The following FER variants were observed in gnomAD, a reference collection of about 807,000 sequenced individuals.
FER encodes the protein tyrosine-protein kinase Fer.
Under a neutral mutation model 111.0 loss-of-function variants are expected in FER, and 63 were observed. The ratio of observed to expected loss-of-function variants is 0.57; its 90% CI spans 0.46 to 0.70. The LOEUF (loss-of-function observed/expected upper bound fraction) is 0.70, where lower values mean the gene tolerates loss of function less well. Among genes scored for constraint, FER ranks in the 30% least tolerant of loss-of-function variants. The probability of loss-of-function intolerance (pLI) is 0.00; values close to 1 mark genes in which losing one functional copy is unlikely to be tolerated. For synonymous variants in FER, 327 were observed against 313.9 expected, an observed-to-expected ratio of 1.04 and a Z score of -0.44; for missense variants, 914 against 954.0, an observed-to-expected ratio of 0.96 and a Z score of 0.55.
chr5:108,872,580 G>A lies in FER; in HGVS notation c.923+368G>A, dbSNP rs189082269. On this transcript the variant is annotated intron_variant, in intron 8 of 19. Coordinates refer to ENST00000281092, the MANE Select transcript of FER (RefSeq NM_005246.4). ...TACTGTTAGAGATAAGAGACTTATT[G>A]ATGTCAGAGCACTTAGTACAAAAAA... 7.2e-4 allele frequency among the ~76,000 whole-genome samples: 109 copies of A among 152,126 alleles called. 1 individual carries two copies. Among genetic ancestry groups the A allele is most frequent in the Admixed American group, 5.2e-3 (79 of 15,272 alleles).
At position 108,871,424 on chromosome 5, in the gene FER, A is replaced by G. The variant is rs1309135828; in HGVS notation, c.725A>G (p.Asn242Ser). The change falls in exon 7 of 20, where the codon AAT becomes AGT. Residue 242 changes from asparagine (N) to serine (S), a missense_variant. Asn to Ser is a conservative substitution (Grantham distance 46). Transcript: ENST00000281092. ...AGTCTTGTCACAGAGGAAATAGTGA[A>G]TGTCCATAAAGAGATTCAAATGTCG... ...ITSLVTEEIV[N>S]VHKEIQMSVE... is the part of the protein sequence containing the mutation. 2 of 1,611,712 alleles carry G rather than the reference A, an allele frequency of 1.2e-6. No individual in the cohort carries two copies. The highest frequency in any genetic ancestry group is 1.7e-6 in the Non-Finnish European group (2 of 1,178,262).
At chr5:109,158,099 G>A (rs2126724131) in intron 17 of FER, among the ~76,000 whole-genome samples, 1 of 152,144 alleles carries the variant, frequency 6.6e-6, no homozygotes, top group Non-Finnish European at 1.5e-5. Flanking sequence ...TAAATAGGCT[G>A]GGCACGGTGG....
At chr5:108,784,833 T>G (rs1754497684) in intron 2 of FER, among the ~76,000 whole-genome samples, 1 of 152,166 alleles carries the variant, frequency 6.6e-6, no homozygotes, top group African/African-American at 2.4e-5. Flanking sequence ...TAGGAATGCC[T>G]TAAGTGGTTT....
rs186717471 is a variant in FER at position 109,112,002 on chromosome 5, C to A, written c.2048+11483C>A. Among the ~76,000 whole-genome samples, 11 of 152,224 alleles carry A rather than the reference C, an allele frequency of 7.2e-5. No homozygotes were observed. In the East Asian group the frequency reaches 1.9e-3, roughly 27 times the overall value. Reference sequence around the variant, plus strand: ...ATATTTTTATTATAGAACAAAAACACCTGCTTATTATGCTCTTAAATTAAC... The same window carrying A: ...ATATTTTTATTATAGAACAAAAACAACTGCTTATTATGCTCTTAAATTAAC... On this transcript the variant is annotated intron_variant, in intron 17 of 19. Transcript: ENST00000281092.
At chr5:108,962,621 A>T (rs969785480) in intron 13 of FER, among the ~76,000 whole-genome samples, 2 of 152,232 alleles carry the variant, frequency 1.3e-5, no homozygotes, top group Non-Finnish European at 2.9e-5. Context: ...CATTCAATAA[A>T]TATTTGTTAG....
intron 2 of FER, among the ~76,000 whole-genome samples, chr5:108,770,083 G>A (rs933095878): frequency 6.6e-6 from 1 of 152,058 alleles, no homozygotes; most frequent in Non-Finnish European, 1.5e-5. Context: ...CAAGTAGCTG[G>A]GATTACAGGC....
chr5:109,078,681 T>G (rs1776648521), intron 16 of FER, among the ~76,000 whole-genome samples: 1 of 152,188 alleles, frequency 6.6e-6, no homozygotes, highest in Admixed American at 6.6e-5. Context: ...TAGTAAATAT[T>G]GACCAAGTTA....
intron 2 of FER, chr5:108,785,103 C>T (rs185717815): frequency 1.1e-5 from 5 of 472,822 alleles, no homozygotes; most frequent in African/African-American, 2.0e-5. Context: ...ATCACTGTCT[C>T]CTGTAGCTGG....
chr5:108,971,595 G>A (rs1760671160), intron 13 of FER, among the ~76,000 whole-genome samples: 1 of 152,072 alleles, frequency 6.6e-6, no homozygotes, highest in Non-Finnish European at 1.5e-5. Flanking sequence ...TTTTGTACAA[G>A]TTTAGAAACA....
intron 17 of FER, among the ~76,000 whole-genome samples, chr5:109,150,340 C>A (rs947507236): frequency 6.6e-6 from 1 of 152,150 alleles, no homozygotes; most frequent in Non-Finnish European, 1.5e-5. Flanking sequence ...ACTTTCACTT[C>A]CTCTGGAGCA....
chr5:109,069,198 G>A (rs1775483347), intron 16 of FER, among the ~76,000 whole-genome samples: 1 of 152,076 alleles, frequency 6.6e-6, no homozygotes, highest in African/African-American at 2.4e-5. Flanking sequence ...GCTTTCAGTA[G>A]ACCAAACATT....
At chr5:109,069,151 GA>G (rs1445684641) in intron 16 of FER, among the ~76,000 whole-genome samples, 1 of 151,836 alleles carries the variant, frequency 6.6e-6, no homozygotes, top group East Asian at 1.9e-4. Flanking sequence ...AGATTCTAGG[GA>G]AAAATCATAC....
At chr5:108,984,502 T>C (rs116116334) in intron 13 of FER, among the ~76,000 whole-genome samples, 4,126 of 151,832 alleles carry the variant, frequency 0.027, 70 homozygotes, top group African/African-American at 0.053. Flanking sequence ...GAAAACTAAC[T>C]GGGAACTGAA....
At chr5:108,911,104 T>C (rs183195096) in intron 10 of FER, among the ~76,000 whole-genome samples, 343 of 152,284 alleles carry the variant, frequency 2.3e-3, no homozygotes, top group Non-Finnish European at 3.9e-3. Context: ...CATAACATTT[T>C]CTTTTCACCA....
chr5:109,041,113 G>A (rs1720538366), intron 14 of FER, among the ~76,000 whole-genome samples: 1 of 152,258 alleles, frequency 6.6e-6, no homozygotes, highest in South Asian at 2.1e-4. Flanking sequence ...TATGATTATT[G>A]AGTAGCATTA....
intron 16 of FER, among the ~76,000 whole-genome samples, chr5:109,066,911 G>A (rs144478581): frequency 4.6e-5 from 7 of 152,156 alleles, no homozygotes; most frequent in African/African-American, 9.7e-5. Context: ...TGATCAGAGG[G>A]ATGGTAGCAG....
At position 109,189,941 on chromosome 5, in the gene FER, C is replaced by T. The variant is rs1759259697; in HGVS notation, c.*2366C>T. 6.6e-6 allele frequency: 1 copy of T among 152,172 alleles called. No homozygotes were observed. Among genetic ancestry groups the T allele is most frequent in the Non-Finnish European group, 1.5e-5 (1 of 68,022 alleles). The allele number at this position is 152,172 out of a possible 1,614,324, so 9.4% of individuals were successfully genotyped here. ...TTTCAAAACATCGTGACATGTGTAG[C>T]ATTTAAATTCCATTTTATTCTTTGT... On this transcript the variant is annotated 3_prime_UTR_variant, in exon 20 of 20. Transcript: ENST00000281092.
chr5:108,794,526 A>AACCCC (rs1755778227), intron 2 of FER, among the ~76,000 whole-genome samples: 1 of 106,354 alleles, frequency 9.4e-6, no homozygotes, highest in Non-Finnish European at 1.9e-5. Flanking sequence ...CCCCCTCCGC[A>AACCCC]CCCCCCCCCC....
At chr5:108,953,063 C>T (rs988288658) in intron 11 of FER, among the ~76,000 whole-genome samples, 1 of 151,852 alleles carries the variant, frequency 6.6e-6, no homozygotes, top group Non-Finnish European at 1.5e-5. Context: ...AGAATTTACT[C>T]TAATTAGATG....
Sources: allele counts gnomAD v4.1 joint callset (sites outside exome capture counted in the v4.1 genomes callset), GRCh38; gene constraint gnomAD v4.1.1; transcripts MANE v1.5; gene names NCBI Gene and HGNC (gene_info 2026-07-23, HGNC 2026-07-21).